CD163L1: variants seen among roughly 807,000 people sequenced by gnomAD.
The protein encoded by CD163L1 is CD163 molecule like 1, also known as scavenger receptor cysteine-rich type 1 protein M160.
In CD163L1, 124 loss-of-function variants were observed where a neutral mutation model predicts 165.4. That is an observed-to-expected ratio of 0.75 (90% CI 0.65 to 0.87). The LOEUF (loss-of-function observed/expected upper bound fraction) is 0.87, where lower values mean the gene tolerates loss of function less well. CD163L1 is among the 40% of genes least tolerant of loss of function. The pLI is 0.00. For missense variants in CD163L1, 1,525 were observed against 1,799.9 expected, an observed-to-expected ratio of 0.85 and a Z score of 2.76; for synonymous variants, 585 against 662.2, an observed-to-expected ratio of 0.88 and a Z score of 1.79.
At chr12:7,401,061 A>G (rs1461299443) in intron 6 of CD163L1, among the ~76,000 whole-genome samples, 1 of 152,184 alleles carries the variant, frequency 6.6e-6, no homozygotes, top group East Asian at 1.9e-4. Context: ...AGATTTTTGA[A>G]CATTGACTTT....
rs759516918 is a variant in CD163L1, at chr12:7,347,500, C to A, written c.*25-353G>T. 1.3e-5 allele frequency among the ~76,000 whole-genome samples: 2 copies of A among 152,104 alleles called. No individual in the cohort carries two copies. Among genetic ancestry groups the A allele is most frequent in the Non-Finnish European group, 2.9e-5 (2 of 68,018 alleles). Reference sequence around the variant, plus strand: ...CTAAGGTAAAAAGGAATGGTCTCGGCCGGGCGCGGTGGCTCACGCTTGTAA... The same window carrying A: ...CTAAGGTAAAAAGGAATGGTCTCGGACGGGCGCGGTGGCTCACGCTTGTAA... On this transcript the variant is annotated intron_variant, in intron 4 of 4. Transcript: ENST00000539726. The surrounding 1 kb of genome is among the most constrained non-coding windows in gnomAD (Gnocchi z 4.2).
At chr12:7,419,677 T>C (rs1247610197) in intron 4 of CD163L1, among the ~76,000 whole-genome samples, 1 of 152,046 alleles carries the variant, frequency 6.6e-6, no homozygotes, top group Non-Finnish European at 1.5e-5. Flanking sequence ...ACAAAATTAA[T>C]GTATACAAAT....
intron 8 of CD163L1, among the ~76,000 whole-genome samples, chr12:7,387,666 G>T (rs1201630629): frequency 6.6e-6 from 1 of 152,098 alleles, no homozygotes; most frequent in African/African-American, 2.4e-5. Context: ...TGCTACCTGA[G>T]GACCTCACCA....
Position 7,358,122 on chromosome 12 carries a change from A to C in CD163L1, c.4280-636T>G, listed in dbSNP as rs137984468. On this transcript the variant is annotated intron_variant, in intron 18 of 19. Transcript: ENST00000313599. ...TGTCATAGGGCAAACCACTACCACC[A>C]AAATTGGAGAGACAGACAGGCAGAG... is the stretch of plus-strand genomic sequence containing the variant. 2.6e-5 allele frequency among the ~76,000 whole-genome samples: 4 copies of C among 152,270 alleles called. No individual in the cohort carries two copies. In the East Asian group the frequency reaches 7.7e-4, roughly 29 times the overall value.
chr12:7,421,095 A>ATACG (rs796912217), intron 4 of CD163L1, among the ~76,000 whole-genome samples: 344 of 109,398 alleles, frequency 3.1e-3, no homozygotes, highest in Non-Finnish European at 4.4e-3. Context: ...ACGTATATAT[A>ATACG]TGTATATATA....
At chr12:7,335,150 T>C in the CD163L1 span, among the ~76,000 whole-genome samples, 1 of 152,276 alleles carries the variant, frequency 6.6e-6, no homozygotes, top group South Asian at 2.1e-4. Context: ...ACTTTAAAGT[T>C]CATATGGAAC....
At chr12:7,358,104 G>T (rs751882315) in intron 18 of CD163L1, among the ~76,000 whole-genome samples, 3 of 152,066 alleles carry the variant, frequency 2.0e-5, no homozygotes, top group Admixed American at 6.6e-5. Context: ...TGATGTCATA[G>T]GGCAAACCAC....
intron 4 of CD163L1, among the ~76,000 whole-genome samples, chr12:7,429,182 A>C (rs73059776): frequency 0.051 from 7,724 of 152,148 alleles, 279 homozygotes; most frequent in East Asian, 0.16. Context: ...ACCATGTAAC[A>C]ATTAAAACAT....
chr12:7,331,334 G>GC, the CD163L1 span, among the ~76,000 whole-genome samples: 2 of 152,362 alleles, frequency 1.3e-5, no homozygotes, highest in East Asian at 3.9e-4. Context: ...AAGCCTGCCT[G>GC]CCTCTGTAGG....
rs866239040 is a variant in CD163L1, at chr12:7,407,790, C to T, written c.767-938G>A. Among the ~76,000 whole-genome samples the T allele has an allele frequency of 2.5e-4, 38 of 150,466 alleles. No homozygotes were observed. In the Middle Eastern group the frequency reaches 0.017, roughly 67 times the overall value. On this transcript the variant is annotated intron_variant, in intron 4 of 19. Transcript: ENST00000313599. ...ATACACACACACATCCATACACACA[C>T]ACACACACACACACACAGACACACA...
intron 4 of CD163L1, among the ~76,000 whole-genome samples, chr12:7,349,612 G>C (rs12582962): frequency 6.6e-6 from 1 of 151,976 alleles, no homozygotes; most frequent in Non-Finnish European, 1.5e-5. Flanking sequence ...TACAATTGTC[G>C]TGGCCACACC....
At chr12:7,399,120 T>C (rs1337331996) in intron 6 of CD163L1, among the ~76,000 whole-genome samples, 1 of 152,134 alleles carries the variant, frequency 6.6e-6, no homozygotes, top group Non-Finnish European at 1.5e-5. Flanking sequence ...TTGAGAAAAT[T>C]TGAGAATTTT....
intron 4 of CD163L1, among the ~76,000 whole-genome samples, chr12:7,412,526 T>C (rs1475871963): frequency 1.3e-5 from 2 of 152,178 alleles, no homozygotes; most frequent in African/African-American, 4.8e-5. Flanking sequence ...AAAAACATTT[T>C]AGAAACATGC....
In CD163L1 at chr12:7,421,392, ATG is replaced by A. The variant is rs1409917818; in HGVS notation, c.766+11022_766+11023del. Reference sequence around the variant, plus strand: ...GTATATATACATTTGGAAGATATATATGTATATATATCTTCCAAATGTATATA... The same window carrying A: ...GTATATATACATTTGGAAGATATATATATATATATCTTCCAAATGTATATA... On this transcript the variant is annotated intron_variant, in intron 4 of 19. Transcript: ENST00000313599. Among the ~76,000 whole-genome samples the A allele has an allele frequency of 4.7e-5, 4 of 84,702 alleles. 1 individual carries two copies. Among genetic ancestry groups the A allele is most frequent in the East Asian group, 4.4e-4 (1 of 2,254 alleles). 55.6% of individuals were successfully genotyped at this position (84,702 alleles called of 152,430 possible). A position where few individuals can be genotyped will look rare whatever the true frequency, so the allele number is the denominator to read the frequency against.
chr12:7,375,165 C>T lies in CD163L1; in HGVS notation c.3001+116G>A, dbSNP rs77904986. On this transcript the variant is annotated intron_variant, in intron 11 of 19. Coordinates refer to ENST00000313599, the MANE Select transcript of CD163L1 (RefSeq NM_174941.6). ...ACATGTTACTCTTTGACTGTCATGC[C>T]TATCCCCCCTCCACCTGCACCCCCA... 7.8e-4 allele frequency: 811 copies of T among 1,036,906 alleles called. 1 individual carries two copies. The African/African-American group carries it at 0.012, about 15-fold the overall frequency. 64.2% of individuals were successfully genotyped at this position (1,036,906 alleles called of 1,614,324 possible).
intron 4 of CD163L1, among the ~76,000 whole-genome samples, chr12:7,415,504 G>A (rs1441515463): frequency 6.6e-6 from 1 of 152,100 alleles, no homozygotes; most frequent in Non-Finnish European, 1.5e-5. Context: ...AAATACATGT[G>A]CCATGGTGGT....
At chr12:7,387,809 T>G (rs1947553018) in intron 8 of CD163L1, among the ~76,000 whole-genome samples, 1 of 152,130 alleles carries the variant, frequency 6.6e-6, no homozygotes, top group South Asian at 2.1e-4. Flanking sequence ...ACCCAGAACC[T>G]GAATAACCAC....
At chr12:7,390,051 G>T (rs888316395) in intron 8 of CD163L1, among the ~76,000 whole-genome samples, 3 of 149,930 alleles carry the variant, frequency 2.0e-5, no homozygotes, top group African/African-American at 7.4e-5. Context: ...CAGCAACAGG[G>T]ATGGCTTGGA....
At chr12:7,323,517 G>A in the CD163L1 span, 10 of 1,613,868 alleles carry the variant, frequency 6.2e-6, no homozygotes, top group Admixed American at 1.7e-4. Context: ...ATTGCCCTCA[G>A]ACTCAAACCT....
Sources: gnomAD v4.1 joint callset for allele counts (sites outside exome capture counted in the v4.1 genomes callset) on GRCh38, gnomAD v4.1.1 for gene constraint, Gnocchi (gnomAD v3.1) non-coding constraint, MANE v1.5 for transcripts, NCBI Gene and HGNC (gene_info 2026-07-23, HGNC 2026-07-21) for gene names.